The following CLOCK variants were observed in gnomAD, a reference collection of about 807,000 sequenced individuals.
CLOCK encodes the protein circadian locomoter output cycles protein kaput.
A neutral mutation model predicts 118.4 loss-of-function variants in CLOCK; 43 were observed. The ratio of observed to expected loss-of-function variants is 0.36; its 90% CI spans 0.28 to 0.47. CLOCK has a LOEUF of 0.47. Among genes scored for constraint, CLOCK ranks in the 20% least tolerant of loss-of-function variants. The pLI is 1.00. For synonymous variants in CLOCK, 326 were observed against 339.2 expected (o/e 0.96, Z 0.43); for missense variants, 846 against 999.9 (o/e 0.85, Z 2.08).
chr4:55,497,334 C>A (rs1728146766), intron 2 of CLOCK, among the ~76,000 whole-genome samples: 1 of 152,144 alleles, frequency 6.6e-6, no homozygotes, highest in African/African-American at 2.4e-5. Context: ...ACATTAAGCC[C>A]ACATAGATAA....
intron 9 of CLOCK, among the ~76,000 whole-genome samples, chr4:55,461,104 TTATTGTA>T (rs1343060307): frequency 3.3e-5 from 5 of 151,996 alleles, no homozygotes; most frequent in Non-Finnish European, 5.9e-5. Flanking sequence ...CTATTTCTCT[TTATTGTA>T]TAGACGGTGT....
Position 55,445,182 on chromosome 4 carries a change from C to T in CLOCK, c.1540-397G>A, listed in dbSNP as rs534133136. ...ATTTCTGAAATCAAAGTTGTGTGCC[C>T]TGAAATGTAATTTAGTATCCCAAAT... On this transcript the variant is annotated intron_variant, in intron 18 of 22. Transcript: ENST00000513440. Among the ~76,000 whole-genome samples the T allele has an allele frequency of 9.3e-4, 65 of 69,526 alleles. 15 individuals carry two copies. The highest frequency in any genetic ancestry group is 2.0e-3 in the East Asian group (2 of 996). The allele number at this position is 69,526 out of a possible 152,430, so 45.6% of individuals were successfully genotyped here.
intron 1 of CLOCK, among the ~76,000 whole-genome samples, chr4:55,515,065 AG>A (rs1729418987): frequency 1.3e-5 from 2 of 152,202 alleles, no homozygotes; most frequent in South Asian, 4.1e-4. Flanking sequence ...TCAATTTAAT[AG>A]ATATAGGCCT....
At chr4:55,463,883 T>A in intron 8 of CLOCK, 78 bp from the exon 9 acceptor site, 2 of 1,372,570 alleles carry the variant, frequency 1.5e-6, no homozygotes, top group Non-Finnish European at 2.0e-6. Context: ...TAATCGCTAT[T>A]AAACACAGCA....
At chr4:55,542,960 G>C (rs1731379797) in intron 1 of CLOCK, among the ~76,000 whole-genome samples, 1 of 152,092 alleles carries the variant, frequency 6.6e-6, no homozygotes. Flanking sequence ...TTTTGGGTTT[G>C]TTTTGTTTAA....
intron 1 of CLOCK, among the ~76,000 whole-genome samples, chr4:55,511,560 C>T (rs995700505): frequency 2.6e-5 from 4 of 152,164 alleles, no homozygotes; most frequent in Middle Eastern, 6.3e-3. Flanking sequence ...CAGCCTTCCC[C>T]ATATTCAACA....
intron 2 of CLOCK, among the ~76,000 whole-genome samples, chr4:55,506,267 T>C (rs2110009774): frequency 1.3e-5 from 2 of 152,196 alleles, no homozygotes; most frequent in Middle Eastern, 6.8e-3. Context: ...AGGCTGGTCT[T>C]GAACTCCTAG....
intron 15 of CLOCK, among the ~76,000 whole-genome samples, chr4:55,451,462 T>G (rs1354027313): frequency 6.6e-6 from 1 of 152,078 alleles, no homozygotes; most frequent in Admixed American, 6.6e-5. Context: ...GACACACCCA[T>G]CCCTTTGGTG....
At chr4:55,462,914 C>G (rs538480013) in intron 9 of CLOCK, among the ~76,000 whole-genome samples, 1 of 151,678 alleles carries the variant, frequency 6.6e-6, no homozygotes, top group Non-Finnish European at 1.5e-5. Context: ...GATTCAAATA[C>G]AAAGAATCTT....
At chr4:55,533,588 G>A (rs1376146022) in intron 1 of CLOCK, among the ~76,000 whole-genome samples, 1 of 152,044 alleles carries the variant, frequency 6.6e-6, no homozygotes, top group Admixed American at 6.6e-5. Flanking sequence ...AAGATTTTTG[G>A]GATTGTTTGT....
In CLOCK at chr4:55,430,589, C is replaced by T. The variant is rs1293246142; in HGVS notation, c.*4826G>A. The T allele has an allele frequency of 6.6e-6, 1 of 151,988 alleles. No individual in the cohort carries two copies. Among genetic ancestry groups the T allele is most frequent in the Non-Finnish European group, 1.5e-5 (1 of 67,986 alleles). 9.4% of individuals were successfully genotyped at this position (151,988 alleles called of 1,614,324 possible). A position where few individuals can be genotyped will look rare whatever the true frequency, so the allele number is the denominator to read the frequency against. ...AATTATACTATTTTTTTCCTTTAACCAAAGTATTCTTTTTCTCAGTCCTTT... is the reference window on the plus strand; with the variant it reads ...AATTATACTATTTTTTTCCTTTAACTAAAGTATTCTTTTTCTCAGTCCTTT... On this transcript the variant is annotated 3_prime_UTR_variant, in exon 23 of 23. Transcript: ENST00000513440.
In CLOCK at chr4:55,444,617, CA is replaced by C. The variant is rs1183807019; in HGVS notation, c.1692+15del. On this transcript the variant is annotated intron_variant, in intron 19 of 22. Coordinates refer to ENST00000513440, the MANE Select transcript of CLOCK (RefSeq NM_004898.4). ...GTGAATGGGATGCTTTGTTTGTATT[CA>C]AATATAACAATTACCTGCAGCCCCT... The C allele has an allele frequency of 3.1e-6, 5 of 1,613,806 alleles. No individual in the cohort carries two copies. Among genetic ancestry groups the C allele is most frequent in the Admixed American group, 1.7e-5 (1 of 60,004 alleles).
intron 8 of CLOCK, among the ~76,000 whole-genome samples, chr4:55,465,165 A>C (rs6843722): frequency 0.3 from 46,257 of 152,118 alleles, 7,638 homozygotes; most frequent in East Asian, 0.58. Context: ...TCTGTACTGA[A>C]TACGTGCATT....
At chr4:55,450,892 C>G (rs542244290) in intron 15 of CLOCK, among the ~76,000 whole-genome samples, 4 of 152,240 alleles carry the variant, frequency 2.6e-5, no homozygotes, top group African/African-American at 9.6e-5. Context: ...GCCAACTACC[C>G]AGGAAGCTGA....
At chr4:55,449,350 CT>C in intron 17 of CLOCK, 45 bp downstream of exon 17, 2 of 1,490,824 alleles carry the variant, frequency 1.3e-6, no homozygotes, top group Middle Eastern at 1.7e-4. Context: ...CATTTTTCCC[CT>C]CTTAATAAAT....
chr4:55,441,697 T>C (rs1723381511), intron 21 of CLOCK, among the ~76,000 whole-genome samples: 1 of 152,102 alleles, frequency 6.6e-6, no homozygotes, highest in Admixed American at 6.5e-5. Context: ...AGCAAAGGCA[T>C]ACAGAGTGAT....
chr4:55,542,638 A>C (rs905181137), intron 1 of CLOCK, among the ~76,000 whole-genome samples: 1 of 151,958 alleles, frequency 6.6e-6, no homozygotes, highest in Non-Finnish European at 1.5e-5. Context: ...AGGGTAGTGC[A>C]TATTAGTTGT....
At chr4:55,516,313 T>A (rs1227249444) in intron 1 of CLOCK, among the ~76,000 whole-genome samples, 9 of 152,214 alleles carry the variant, frequency 5.9e-5, no homozygotes, top group African/African-American at 2.2e-4. Flanking sequence ...GTCTCCATTA[T>A]AAGAGCAGAT....
intron 1 of CLOCK, among the ~76,000 whole-genome samples, chr4:55,528,886 T>C (rs1730366077): frequency 6.6e-6 from 1 of 152,202 alleles, no homozygotes; most frequent in Non-Finnish European, 1.5e-5. Context: ...ATTGGAAAGC[T>C]CCGAAGCCTA....
Sources: gnomAD v4.1 joint callset for allele counts (sites outside exome capture counted in the v4.1 genomes callset) on GRCh38, gnomAD v4.1.1 for gene constraint, MANE v1.5 for transcripts, NCBI Gene and HGNC (gene_info 2026-07-23, HGNC 2026-07-21) for gene names.